Variants in RBFOX3 observed in about 807,000 individuals in gnomAD.
RBFOX3 encodes the protein RNA binding fox-1 homolog 3, also known as RNA binding protein fox-1 homolog 3.
A neutral mutation model predicts 48.7 loss-of-function variants in RBFOX3; 17 were observed. The observed-to-expected ratio is 0.35, with a 90% confidence interval of 0.24 to 0.52. RBFOX3 has a LOEUF of 0.52. Among genes scored for constraint, RBFOX3 ranks in the 20% least tolerant of loss-of-function variants. The pLI is 0.94. For synonymous variants in RBFOX3, 212 were observed against 209.5 expected (o/e 1.01, Z -0.10); for missense variants, 382 against 497.5 (o/e 0.77, Z 2.21).
At chr17:79,555,196 T>C (rs1172795962) in intron 1 of RBFOX3, among the ~76,000 whole-genome samples, 1 of 152,174 alleles carries the variant, frequency 6.6e-6, no homozygotes, top group African/African-American at 2.4e-5. Context: ...ATCACATGGG[T>C]GATAGCTATC....
intron 5 of RBFOX3, among the ~76,000 whole-genome samples, chr17:79,107,553 A>G (rs1264146762): frequency 6.6e-6 from 1 of 151,870 alleles, no homozygotes; most frequent in Admixed American, 6.6e-5. Flanking sequence ...GGTCTTCTCC[A>G]GTGGACTGGC....
At chr17:79,116,675 G>T (rs183781718) in intron 4 of RBFOX3, among the ~76,000 whole-genome samples, 1 of 152,256 alleles carries the variant, frequency 6.6e-6, no homozygotes, top group Non-Finnish European at 1.5e-5. Flanking sequence ...GGTGTGTCGG[G>T]GGGCAGGGAG....
At chr17:79,251,952 C>T (rs1226692782) in intron 3 of RBFOX3, among the ~76,000 whole-genome samples, 1 of 152,230 alleles carries the variant, frequency 6.6e-6, no homozygotes, top group African/African-American at 2.4e-5. Context: ...CCTGAAAAGA[C>T]TGAGCCCTCT....
At chr17:79,263,883 G>A (rs960378902) in intron 3 of RBFOX3, among the ~76,000 whole-genome samples, 5 of 152,156 alleles carry the variant, frequency 3.3e-5, no homozygotes, top group African/African-American at 1.2e-4. Context: ...ATGATAAAAT[G>A]AGATCATCCT....
intron 3 of RBFOX3, among the ~76,000 whole-genome samples, chr17:79,237,939 AT>A (rs11313793): frequency 0.71 from 107,770 of 151,960 alleles, 38,368 homozygotes; most frequent in East Asian, 0.96. Context: ...AATTTGGGGG[AT>A]TTTTTTCTAT....
intron 2 of RBFOX3, among the ~76,000 whole-genome samples, chr17:79,440,957 A>T (rs1185557296): frequency 6.6e-6 from 1 of 152,216 alleles, no homozygotes; most frequent in East Asian, 1.9e-4. Context: ...GATCAGAGAC[A>T]TGCATAGTTG....
At chr17:79,173,153 T>C (rs1319469582) in intron 4 of RBFOX3, among the ~76,000 whole-genome samples, 2 of 152,068 alleles carry the variant, frequency 1.3e-5, no homozygotes, top group East Asian at 1.9e-4. Flanking sequence ...GAAGTTGCAG[T>C]GAGCCGAGAT....
chr17:79,382,319 G>A (rs1213551871), intron 2 of RBFOX3, among the ~76,000 whole-genome samples: 1 of 152,212 alleles, frequency 6.6e-6, no homozygotes, highest in African/African-American at 2.4e-5. Flanking sequence ...ATCCCTGCAG[G>A]GATGGGGGGC....
chr17:79,408,506 T>C (rs1679484755), intron 2 of RBFOX3, among the ~76,000 whole-genome samples: 1 of 152,138 alleles, frequency 6.6e-6, no homozygotes, highest in African/African-American at 2.4e-5. Context: ...AGTCATTCTG[T>C]GGTTTTAAAG....
the RBFOX3 span, among the ~76,000 whole-genome samples, chr17:79,620,141 GCACA>G: frequency 5.1e-5 from 7 of 136,482 alleles, no homozygotes; most frequent in East Asian, 4.6e-4. Context: ...ATGCACACGC[GCACA>G]CACATGCACG....
At chr17:79,550,667 A>G (rs1296107064) in intron 1 of RBFOX3, among the ~76,000 whole-genome samples, 2 of 152,076 alleles carry the variant, frequency 1.3e-5, no homozygotes, top group African/African-American at 2.4e-5. Flanking sequence ...ATGGATTAAA[A>G]GACGGATGGA....
At chr17:79,379,929 C>A (rs554199423) in intron 2 of RBFOX3, among the ~76,000 whole-genome samples, 2 of 152,170 alleles carry the variant, frequency 1.3e-5, no homozygotes, top group African/African-American at 2.4e-5. Flanking sequence ...CCTCCTGCCG[C>A]GGCCTCTCCC....
intron 2 of RBFOX3, among the ~76,000 whole-genome samples, chr17:79,413,931 C>T (rs1179251397): frequency 1.3e-5 from 2 of 148,306 alleles, no homozygotes; most frequent in African/African-American, 2.5e-5. Flanking sequence ...AGGCAGGTGG[C>T]GTGGGCTCTG....
chr17:79,522,929 CAAAAAAAAAAA>C (rs34245309), intron 1 of RBFOX3, among the ~76,000 whole-genome samples: 10 of 31,964 alleles, frequency 3.1e-4, no homozygotes, highest in South Asian at 2.6e-3. Context: ...GACTCCGTCT[CAAAAAAAAAAA>C]AAAAAAAAAA....
intron 4 of RBFOX3, among the ~76,000 whole-genome samples, chr17:79,148,799 G>A (rs1441248381): frequency 6.6e-6 from 1 of 152,202 alleles, no homozygotes; most frequent in South Asian, 2.1e-4. Flanking sequence ...TGCAGCCTCC[G>A]AGGGCCTCTG....
chr17:79,212,529 T>G lies in RBFOX3; in HGVS notation c.-34+23237A>C, dbSNP rs906646908. On this transcript the variant is annotated intron_variant, in intron 4 of 14. Transcript: ENST00000693108. This position sits in a 1 kb window ranked among gnomAD's most constrained non-coding sequence, Gnocchi z 4.7. ...GTCCGCAACTCCTGACTCCTTATTC[T>G]GCACTTCCTTCCTTGTTCTTCATAA... is the stretch of plus-strand genomic sequence containing the variant. Among the ~76,000 whole-genome samples the G allele has an allele frequency of 6.6e-6, 1 of 152,210 alleles. No individual in the cohort carries two copies. Among genetic ancestry groups the G allele is most frequent in the Non-Finnish European group, 1.5e-5 (1 of 68,040 alleles).
At chr17:79,531,928 A>G (rs1466892641) in intron 1 of RBFOX3, among the ~76,000 whole-genome samples, 1 of 152,222 alleles carries the variant, frequency 6.6e-6, no homozygotes, top group East Asian at 1.9e-4. Flanking sequence ...CAGGCTGGAC[A>G]GTGCCGGCCT....
At chr17:79,638,300 G>C in the RBFOX3 span, among the ~76,000 whole-genome samples, 5 of 113,022 alleles carry the variant, frequency 4.4e-5, no homozygotes, top group Non-Finnish European at 9.1e-5. Flanking sequence ...ACAAAACTGA[G>C]TTGGTTTTTT....
rs553613825 is a variant in RBFOX3 at position 79,254,220 on chromosome 17, G to T, written c.-73-18415C>A. On this transcript the variant is annotated intron_variant, in intron 3 of 14. Coordinates refer to ENST00000693108, the MANE Select transcript of RBFOX3 (RefSeq NM_001350451.2). The surrounding 1 kb of genome is among the most constrained non-coding windows in gnomAD (Gnocchi z 4.8). ...GAGAGTGAAAGTGATTTTCCAGAAGGTTCTCAGATGTCCTGGCTTCAGGGA... is the reference window on the plus strand; with the variant it reads ...GAGAGTGAAAGTGATTTTCCAGAAGTTTCTCAGATGTCCTGGCTTCAGGGA... Among the ~76,000 whole-genome samples, 1 of 152,294 alleles carries T rather than the reference G, an allele frequency of 6.6e-6. No homozygotes were observed. The highest frequency in any genetic ancestry group is 2.1e-4 in the South Asian group (1 of 4,822).
Sources: gnomAD v4.1 joint callset for allele counts (sites outside exome capture counted in the v4.1 genomes callset) on GRCh38, gnomAD v4.1.1 for gene constraint, Gnocchi (gnomAD v3.1) non-coding constraint, MANE v1.5 for transcripts, NCBI Gene and HGNC (gene_info 2026-07-23, HGNC 2026-07-21) for gene names.